The following CPAMD8 variants were observed in gnomAD, a reference collection of about 807,000 sequenced individuals.
CPAMD8 encodes C3 and PZP like alpha-2-macroglobulin domain containing 8, also known as C3 and PZP-like alpha-2-macroglobulin domain-containing protein 8.
Under a neutral mutation model 224.7 loss-of-function variants are expected in CPAMD8, and 146 were observed. The ratio of observed to expected loss-of-function variants is 0.65; its 90% CI spans 0.57 to 0.75. CPAMD8 has a LOEUF of 0.75. Ranked by LOEUF, CPAMD8 falls within the 30% of genes least tolerant of loss-of-function variation. The pLI is 0.00. For missense variants in CPAMD8, 2,301 were observed against 2,537.5 expected (o/e 0.91, Z 2.00); for synonymous variants, 966 against 1,044.6 (o/e 0.92, Z 1.45).
intron 41 of CPAMD8, chr19:16,895,174 C>G (rs963754176): frequency 6.6e-6 from 1 of 152,526 alleles, no homozygotes; most frequent in African/African-American, 2.4e-5. Context: ...CTTTGGGAGG[C>G]CAACGCGGGT....
At chr19:16,904,181 A>ACCC in intron 32 of CPAMD8, 45 bp downstream of exon 32, 2 of 285,576 alleles carry the variant, frequency 7.0e-6, no homozygotes, top group Non-Finnish European at 1.2e-5. Context: ...CAGGGACCCC[A>ACCC]CCCACCCAGC....
intron 29 of CPAMD8, among the ~76,000 whole-genome samples, chr19:16,911,712 A>AT (rs1388874683): frequency 1.3e-5 from 2 of 151,788 alleles, no homozygotes; most frequent in Admixed American, 6.6e-5. Flanking sequence ...TGCCCGGCTA[A>AT]TTTTTTGTAT....
intron 22 of CPAMD8, 117 bp downstream of exon 22, chr19:16,945,432 C>G (rs1007286289): frequency 7.1e-7 from 1 of 1,404,704 alleles, no homozygotes; most frequent in Non-Finnish European, 9.6e-7. Flanking sequence ...AAGCACAACC[C>G]GTGAAGGCTG....
chr19:16,962,830 T>TTC (rs2054701065), intron 18 of CPAMD8, among the ~76,000 whole-genome samples: 1 of 152,192 alleles, frequency 6.6e-6, no homozygotes, highest in Non-Finnish European at 1.5e-5. Context: ...CCCATCAGAC[T>TTC]AACAGCAGAT....
At chr19:16,905,564 G>GAAAAA (rs2052441461) in intron 30 of CPAMD8, among the ~76,000 whole-genome samples, 3 of 46,378 alleles carry the variant, frequency 6.5e-5, no homozygotes, top group Non-Finnish European at 1.3e-4. Context: ...AAAAAAGGAA[G>GAAAAA]AAAAGAAAAA....
intron 8 of CPAMD8, among the ~76,000 whole-genome samples, chr19:17,002,886 C>CTTTAT (rs2056373807): frequency 6.8e-6 from 1 of 146,256 alleles, no homozygotes; most frequent in Non-Finnish European, 1.5e-5. Context: ...TCTTTTCGTT[C>CTTTAT]TTTCTTTTCT....
intron 25 of CPAMD8, among the ~76,000 whole-genome samples, chr19:16,926,093 C>A (rs1454578457): frequency 6.6e-6 from 1 of 152,010 alleles, no homozygotes; most frequent in African/African-American, 2.4e-5. Flanking sequence ...TTCAGATTTT[C>A]TCTTTAACCA....
Position 16,897,991 on chromosome 19 carries a change from G to A in CPAMD8, c.4852C>T (p.Pro1618Ser). ...CGCACGCACGTCAGGCACCGGCTGG[G>A]GATCTGTGGGGCAGCGGCGGGCGCA... ...RRVLFYFDEI[P>S]SRCLTCVRFR... Residue 1618 changes from proline to serine, a missense_variant, in exon 38 of 42, where the codon CCC becomes TCC. Around this residue, in one of 4 missense-constraint regions of CPAMD8, gnomAD observed 1,709 missense variants for 1,753.2 expected, o/e 0.97. Coordinates refer to ENST00000443236, the MANE Select transcript of CPAMD8 (RefSeq NM_015692.5). The A allele has an allele frequency of 6.2e-7, 1 of 1,609,170 alleles. No individual in the cohort carries two copies. Among genetic ancestry groups the A allele is most frequent in the Non-Finnish European group, 8.5e-7 (1 of 1,178,606 alleles).
chr19:16,994,396 G>A (rs1387887753), intron 11 of CPAMD8, among the ~76,000 whole-genome samples: 1 of 151,756 alleles, frequency 6.6e-6, no homozygotes, highest in East Asian at 1.9e-4. Context: ...AGACATAGAT[G>A]TTTTAAAAGG....
chr19:16,906,946 A>T lies in CPAMD8; in HGVS notation c.4027+6T>A. 1 of 1,577,940 alleles carries T rather than the reference A, an allele frequency of 6.3e-7. No individual in the cohort carries two copies. The highest frequency in any genetic ancestry group is 8.6e-7 in the Non-Finnish European group (1 of 1,162,438). ...GTGGCCTCTGGGGAGGGCCAGGGAC[A>T]CCTACCTCGCATGATGGCCAGGCTA... On this transcript the variant is annotated splice_donor_region_variant and intron_variant, in intron 30 of 41. Coordinates refer to ENST00000443236, the MANE Select transcript of CPAMD8 (RefSeq NM_015692.5).
intron 22 of CPAMD8, among the ~76,000 whole-genome samples, chr19:16,939,876 TTTG>T (rs746563623): frequency 4.6e-5 from 7 of 152,102 alleles, no homozygotes; most frequent in Middle Eastern, 6.8e-3. Flanking sequence ...CTTTAGCTTT[TTTG>T]TTGTTGTTGT....
At chr19:16,945,830 AGTGT>A (rs1196366939) in intron 21 of CPAMD8, 151 bp from the exon 22 acceptor site, 9 of 740,702 alleles carry the variant, frequency 1.2e-5, no homozygotes, top group Non-Finnish European at 1.6e-5. Context: ...CATGCATGCA[AGTGT>A]GTATGTCTGC....
intron 18 of CPAMD8, among the ~76,000 whole-genome samples, chr19:16,961,036 T>G (rs2054635753): frequency 6.6e-6 from 1 of 152,068 alleles, no homozygotes; most frequent in South Asian, 2.1e-4. Context: ...AAAAAATATG[T>G]TGGGGCTATT....
At chr19:16,941,055 C>T (rs2053872427) in intron 22 of CPAMD8, among the ~76,000 whole-genome samples, 1 of 152,188 alleles carries the variant, frequency 6.6e-6, no homozygotes, top group Non-Finnish European at 1.5e-5. Context: ...CTCAGCCTCC[C>T]AAGTAGCTGG....
chr19:17,002,175 C>T (rs1474553126), intron 9 of CPAMD8, 91 bp downstream of exon 9: 2 of 828,730 alleles, frequency 2.4e-6, no homozygotes, highest in East Asian at 5.4e-5. Context: ...AGGGAGGCAG[C>T]AGAGGAGGGG....
rs570409485 is a variant in CPAMD8 at position 16,896,862 on chromosome 19, A to T, written c.5066-197T>A. 1.2e-5 allele frequency: 5 copies of T among 408,916 alleles called. No individual in the cohort carries two copies. In the South Asian group the frequency reaches 3.9e-4, roughly 32 times the overall value. 25.3% of individuals were successfully genotyped at this position (408,916 alleles called of 1,614,324 possible). ...CGCAGGTATTTGCCTAATACTTACAAAAACAGAAACAGACTTTTAAAAAGC... is the reference window on the plus strand; with the variant it reads ...CGCAGGTATTTGCCTAATACTTACATAAACAGAAACAGACTTTTAAAAAGC... On this transcript the variant is annotated intron_variant, in intron 39 of 41. Transcript: ENST00000443236.
intron 29 of CPAMD8, 47 bp from the exon 30 acceptor site, chr19:16,907,164 C>A: frequency 1.4e-6 from 2 of 1,463,924 alleles, no homozygotes; most frequent in Admixed American, 5.3e-5. Flanking sequence ...TGCTCTGCCC[C>A]CATCCCACCC....
At chr19:16,992,707 C>T (rs535104522) in intron 12 of CPAMD8, among the ~76,000 whole-genome samples, 2 of 152,280 alleles carry the variant, frequency 1.3e-5, no homozygotes, top group South Asian at 2.1e-4. Flanking sequence ...CTGCCTTGGC[C>T]TCCCAACGTG....
Position 17,022,165 on chromosome 19 carries a change from C to T in CPAMD8, c.109G>A (p.Ala37Thr), listed in dbSNP as rs770721029. The change falls in exon 2 of 42, where the codon GCT (alanine) becomes ACT (threonine). Residue 37 changes from alanine (A) to threonine (T), a missense_variant. Ala to Thr is a moderately conservative substitution (Grantham distance 58, BLOSUM62 0). Coordinates refer to ENST00000443236, the MANE Select transcript of CPAMD8 (RefSeq NM_015692.5). Reference sequence around the variant, plus strand: ...ACGCCCGCGCGAAAAACAGAGGGAGCTGCAATCAAGTAACCCCTGCAGGAA... The same window carrying T: ...ACGCCCGCGCGAAAAACAGAGGGAGTTGCAATCAAGTAACCCCTGCAGGAA... ...QPQAPGYLIA[A>T]PSVFRAGVEE... The T allele has an allele frequency of 2.2e-5, 35 of 1,610,140 alleles. No individual in the cohort carries two copies. The Admixed American group carries it at 3.5e-4, about 16-fold the overall frequency.
Sources: allele counts gnomAD v4.1 joint callset (sites outside exome capture counted in the v4.1 genomes callset), GRCh38; gene constraint gnomAD v4.1.1; regional missense constraint gnomAD v4.1.1; transcripts MANE v1.5; gene names NCBI Gene and HGNC (gene_info 2026-07-23, HGNC 2026-07-21).